The following PDCD6 variants were observed in gnomAD, a reference collection of about 807,000 sequenced individuals.
The protein encoded by PDCD6 is programmed cell death protein 6.
A neutral mutation model predicts 28.3 loss-of-function variants in PDCD6; 12 were observed. That is an observed-to-expected ratio of 0.42 (90% CI 0.27 to 0.69). PDCD6 has a LOEUF of 0.69. PDCD6 is among the 30% of genes least tolerant of loss of function. The probability of loss-of-function intolerance (pLI) is 0.22; values close to 1 mark genes in which losing one functional copy is unlikely to be tolerated. For synonymous variants in PDCD6, 92 were observed against 108.0 expected (o/e 0.85, Z 0.92); for missense variants, 226 against 269.9 (o/e 0.84, Z 1.14).
chr5:292,146 T>C (rs1233859138), intron 2 of PDCD6, among the ~76,000 whole-genome samples: 3 of 152,212 alleles, frequency 2.0e-5, no homozygotes. Flanking sequence ...TGAGCCCCTC[T>C]TCATGTTTTC....
intron 2 of PDCD6, among the ~76,000 whole-genome samples, chr5:299,297 C>T (rs542578466): frequency 1.8e-4 from 22 of 119,490 alleles, no homozygotes; most frequent in Non-Finnish European, 3.2e-4. Flanking sequence ...TCCTGGATGA[C>T]GCCCTACCTG....
At chr5:299,570 G>A (rs1052190820) in intron 2 of PDCD6, among the ~76,000 whole-genome samples, 1 of 147,772 alleles carries the variant, frequency 6.8e-6, no homozygotes. Context: ...TTTTCTTTAA[G>A]ACAGAGTCTC....
intron 2 of PDCD6, among the ~76,000 whole-genome samples, chr5:296,777 G>A (rs911370989): frequency 1.3e-5 from 2 of 152,094 alleles, no homozygotes; most frequent in Non-Finnish European, 2.9e-5. Context: ...CACATGGGTG[G>A]GGGGGCCCGT....
chr5:287,195 T>C (rs999798374), intron 2 of PDCD6, among the ~76,000 whole-genome samples: 1 of 152,166 alleles, frequency 6.6e-6, no homozygotes, highest in Non-Finnish European at 1.5e-5. Flanking sequence ...GTTTTGGAGC[T>C]GGAGACCTGT....
intron 1 of PDCD6, among the ~76,000 whole-genome samples, chr5:272,028 G>A (rs1164217543): frequency 6.6e-6 from 1 of 151,652 alleles, no homozygotes; most frequent in Non-Finnish European, 1.5e-5. Flanking sequence ...CCCCTGGCGG[G>A]TCCCCCGCGG....
At position 314,445 on chromosome 5, in the gene PDCD6, A is replaced by G; in HGVS notation, c.506A>G (p.Asp169Gly). 6.2e-7 allele frequency: 1 copy of G among 1,613,814 alleles called. No homozygotes were observed. Among genetic ancestry groups the G allele is most frequent in the Non-Finnish European group, 8.5e-7 (1 of 1,179,896 alleles). The stretch of plus-strand genomic sequence containing the variant: ...TTGACGGATATATTCAGACGTTACG[A>G]CACGGATCAGGACGGCTGGATTCAG... ...QRLTDIFRRY[D>G]TDQDGWIQVS... The change falls in exon 6 of 6, where the codon GAC becomes GGC. Residue 169 changes from aspartate (D) to glycine (G), a missense_variant. Asp to Gly is a moderately conservative substitution (Grantham distance 94). Coordinates refer to ENST00000264933, the MANE Select transcript of PDCD6 (RefSeq NM_013232.4).
chr5:308,715 A>G (rs569594208), intron 4 of PDCD6: 2 of 152,262 alleles, frequency 1.3e-5, no homozygotes, highest in Non-Finnish European at 2.9e-5. Context: ...TGAAGCAGGG[A>G]GGCTGCACTG....
intron 2 of PDCD6, among the ~76,000 whole-genome samples, chr5:279,722 G>A (rs1405466834): frequency 7.4e-6 from 1 of 135,646 alleles, no homozygotes; most frequent in Non-Finnish European, 1.5e-5. Context: ...GAAGGCAGAT[G>A]ATGGATGAAT....
At chr5:298,623 G>GC (rs1739768413) in intron 2 of PDCD6, among the ~76,000 whole-genome samples, 1 of 122,514 alleles carries the variant, frequency 8.2e-6, no homozygotes, top group South Asian at 2.8e-4. Context: ...AGCGGACCCT[G>GC]CCCCCACCCA....
At chr5:286,430 A>G (rs1354906469) in intron 2 of PDCD6, among the ~76,000 whole-genome samples, 30 of 132,452 alleles carry the variant, frequency 2.3e-4, no homozygotes, top group East Asian at 4.8e-4. Context: ...GCGAGGAGCT[A>G]ATGTTCCTGT....
At chr5:295,387 C>T (rs187323593) in intron 2 of PDCD6, among the ~76,000 whole-genome samples, 47 of 151,414 alleles carry the variant, frequency 3.1e-4, no homozygotes, top group East Asian at 2.7e-3. Context: ...ATTTAAAAAG[C>T]GGCAGGGTGG....
At chr5:275,964 A>G (rs1318884576) in intron 2 of PDCD6, 61 of 1,278,480 alleles carry the variant, frequency 4.8e-5, no homozygotes, top group Non-Finnish European at 6.2e-5. Context: ...CTTGTCCTCC[A>G]CCCCTTTGCT....
chr5:285,392 T>TC (rs1738885121), intron 2 of PDCD6, among the ~76,000 whole-genome samples: 2 of 151,384 alleles, frequency 1.3e-5, no homozygotes, highest in African/African-American at 4.9e-5. Flanking sequence ...GAGCTGATAT[T>TC]CCAGTTTGAG....
chr5:314,359 C>A, intron 5 of PDCD6, 58 bp from the exon 6 acceptor site: 2 of 1,281,084 alleles, frequency 1.6e-6, no homozygotes, highest in South Asian at 2.4e-5. Flanking sequence ...GCCTTTGTCC[C>A]AGTGCACCTT....
At chr5:306,904 A>G (rs995852667) in intron 4 of PDCD6, 144 bp downstream of exon 4, 8 of 784,180 alleles carry the variant, frequency 1.0e-5, no homozygotes, top group African/African-American at 1.7e-5. Flanking sequence ...TTCATATTTG[A>G]TATTGCTCAT....
At chr5:309,206 C>T (rs2126775868) in intron 4 of PDCD6, 1 of 152,656 alleles carries the variant, frequency 6.6e-6, no homozygotes, top group East Asian at 1.9e-4. Context: ...TCGTTCACAG[C>T]ATTTCAGAGA....
chr5:275,895 C>T (rs1371189378), intron 2 of PDCD6: 73 of 556,666 alleles, frequency 1.3e-4, no homozygotes, highest in Non-Finnish European at 3.6e-5. Flanking sequence ...TCCACCACAC[C>T]TCTGCCTGGT....
chr5:276,172 T>C (rs924696721), intron 2 of PDCD6: 1 of 991,674 alleles, frequency 1.0e-6, no homozygotes, highest in African/African-American at 1.7e-5. Flanking sequence ...GAGGCTGCAT[T>C]GAGCTGAGAT....
At chr5:289,838 G>C (rs1008848159) in intron 2 of PDCD6, 425 of 1,459,172 alleles carry the variant, frequency 2.9e-4, no homozygotes, top group Non-Finnish European at 4.0e-4. Context: ...GACCTCTCAG[G>C]ATAGCTTGGT....
Sources: allele counts gnomAD v4.1 joint callset (sites outside exome capture counted in the v4.1 genomes callset), GRCh38; gene constraint gnomAD v4.1.1; transcripts MANE v1.5; gene names NCBI Gene and HGNC (gene_info 2026-07-23, HGNC 2026-07-21).